Variants in SND1 observed in about 807,000 individuals in gnomAD.
The protein encoded by SND1 is staphylococcal nuclease domain-containing protein 1.
In SND1, 38 loss-of-function variants were observed where a neutral mutation model predicts 121.7. That is an observed-to-expected ratio of 0.31 (90% confidence interval 0.24 to 0.41). SND1 has a LOEUF of 0.41. SND1 is among the 10% of genes least tolerant of loss of function. The pLI is 1.00. For synonymous variants in SND1, 401 were observed against 447.4 expected (o/e 0.90, Z 1.31); for missense variants, 868 against 1,184.6 (o/e 0.73, Z 3.92).
intron 7 of SND1, among the ~76,000 whole-genome samples, 156 bp from the exon 8 acceptor site, chr7:127,704,683 T>G (rs1186545073): frequency 6.6e-6 from 1 of 152,140 alleles, no homozygotes; most frequent in Non-Finnish European, 1.5e-5. Context: ...TTAGGAGTGG[T>G]TTCGTAGTGA....
intron 13 of SND1, among the ~76,000 whole-genome samples, chr7:127,902,425 G>A (rs530245363): frequency 4.6e-5 from 7 of 152,306 alleles, no homozygotes; most frequent in East Asian, 1.9e-4. Flanking sequence ...TCAGTCTTAC[G>A]GCTGCTCCTT....
chr7:127,764,058 A>C (rs1434507806), intron 10 of SND1, among the ~76,000 whole-genome samples: 2 of 151,152 alleles, frequency 1.3e-5, no homozygotes, highest in Non-Finnish European at 3.0e-5. Flanking sequence ...AAAAACAAAA[A>C]AACAAAAAAA....
chr7:128,052,796 T>C lies in SND1; in HGVS notation c.1780-21706T>C, dbSNP rs1793068938. Among the ~76,000 whole-genome samples, 1 of 152,230 alleles carries C rather than the reference T, an allele frequency of 6.6e-6. No homozygotes were observed. The highest frequency in any genetic ancestry group is 1.5e-5 in the Non-Finnish European group (1 of 68,050). On this transcript the variant is annotated intron_variant, in intron 16 of 23. Transcript: ENST00000354725. This position sits in a 1 kb window ranked among gnomAD's most constrained non-coding sequence, Gnocchi z 4.6. Reference sequence around the variant, plus strand: ...GTGCCCTGAAAATCATTCCCTCGGATTTCAGTGTTACTTCGATGGGTCCCT... The same window carrying C: ...GTGCCCTGAAAATCATTCCCTCGGACTTCAGTGTTACTTCGATGGGTCCCT...
At chr7:127,837,536 G>A (rs188674668) in intron 11 of SND1, among the ~76,000 whole-genome samples, 60 of 152,330 alleles carry the variant, frequency 3.9e-4, no homozygotes, top group African/African-American at 8.4e-4. Context: ...AAGGAGGTAA[G>A]TTTAACATCC....
intron 10 of SND1, among the ~76,000 whole-genome samples, chr7:127,753,571 A>G (rs1237493624): frequency 6.6e-6 from 1 of 152,146 alleles, no homozygotes; most frequent in Admixed American, 6.5e-5. Flanking sequence ...ACTGAGACCG[A>G]AGTAAGCAAG....
chr7:127,653,706 G>A (rs1459865231), intron 1 of SND1, among the ~76,000 whole-genome samples: 1 of 152,158 alleles, frequency 6.6e-6, no homozygotes, highest in Non-Finnish European at 1.5e-5. Context: ...CAGCTTATGT[G>A]TGTGTAAAGC....
intron 16 of SND1, among the ~76,000 whole-genome samples, chr7:128,009,626 T>C (rs1803067520): frequency 6.6e-6 from 1 of 152,220 alleles, no homozygotes; most frequent in South Asian, 2.1e-4. Flanking sequence ...AATAGCCACA[T>C]GGGGCTAGTG....
At chr7:127,748,423 G>GTTCTTATGGT (rs1797019042) in intron 10 of SND1, among the ~76,000 whole-genome samples, 1 of 152,124 alleles carries the variant, frequency 6.6e-6, no homozygotes, top group African/African-American at 2.4e-5. Flanking sequence ...GTCTGAATTG[G>GTTCTTATGGT]TAGTCATGAA....
intron 15 of SND1, among the ~76,000 whole-genome samples, chr7:127,937,400 T>C (rs1302005059): frequency 6.6e-6 from 1 of 152,144 alleles, no homozygotes; most frequent in Non-Finnish European, 1.5e-5. Flanking sequence ...TCCTGCCCTT[T>C]AGCATTTTTC....
At chr7:127,846,228 A>G (rs1799059485) in intron 12 of SND1, among the ~76,000 whole-genome samples, 2 of 152,182 alleles carry the variant, frequency 1.3e-5, no homozygotes, top group Non-Finnish European at 2.9e-5. Context: ...CAGTTCTTGT[A>G]ATTGGATTGT....
Position 127,707,466 on chromosome 7 carries a change from G to GAGT in SND1, c.948-88_948-86dup, listed in dbSNP as rs1447243985. 6 of 920,796 alleles carry GAGT rather than the reference G, an allele frequency of 6.5e-6. No individual in the cohort carries two copies. In the East Asian group the frequency reaches 1.5e-4, roughly 22 times the overall value. 57.0% of individuals were successfully genotyped at this position (920,796 alleles called of 1,614,324 possible). A position where few individuals can be genotyped will look rare whatever the true frequency, so the allele number is the denominator to read the frequency against. Reference sequence around the variant, plus strand: ...TTCTTCTGGATACATCTATAGGGTAGAGTAGGATGCTGCACCAACTGTGCT... The same window carrying GAGT: ...TTCTTCTGGATACATCTATAGGGTAGAGTAGTAGGATGCTGCACCAACTGTGCT... On this transcript the variant is annotated intron_variant, in intron 8 of 23. Transcript: ENST00000354725.
intron 10 of SND1, among the ~76,000 whole-genome samples, chr7:127,758,947 G>A (rs931046143): frequency 2.6e-5 from 4 of 152,038 alleles, no homozygotes; most frequent in Admixed American, 2.6e-4. Flanking sequence ...CTGGCTCCTC[G>A]GGAGACAAAA....
At chr7:127,841,602 G>A (rs1293485599) in intron 11 of SND1, among the ~76,000 whole-genome samples, 1 of 152,148 alleles carries the variant, frequency 6.6e-6, no homozygotes, top group East Asian at 1.9e-4. Context: ...GAGAGTTCCA[G>A]GGTGTATTAG....
At chr7:128,082,777 C>T (rs1167111371) in intron 18 of SND1, among the ~76,000 whole-genome samples, 1 of 152,148 alleles carries the variant, frequency 6.6e-6, no homozygotes, top group African/African-American at 2.4e-5. Flanking sequence ...CCAAAATCCC[C>T]GCCAGCCCAC....
At chr7:127,891,100 G>A (rs567608585) in intron 13 of SND1, among the ~76,000 whole-genome samples, 2 of 152,090 alleles carry the variant, frequency 1.3e-5, no homozygotes, top group Admixed American at 1.3e-4. Flanking sequence ...CCATCTTCTC[G>A]ATGCTAACCC....
intron 9 of SND1, chr7:127,718,747 C>T: frequency 1.0e-6 from 1 of 985,312 alleles, no homozygotes; most frequent in African/African-American, 1.7e-5. Context: ...GTTCTGTAAT[C>T]AGCAGGTAAA....
chr7:127,931,044 A>G (rs1800947750), intron 15 of SND1, among the ~76,000 whole-genome samples: 1 of 152,148 alleles, frequency 6.6e-6, no homozygotes, highest in South Asian at 2.1e-4. Flanking sequence ...GTCGCCATGA[A>G]CCACAGTCAT....
chr7:127,715,762 G>A (rs1267255140), intron 9 of SND1, among the ~76,000 whole-genome samples: 4 of 151,984 alleles, frequency 2.6e-5, no homozygotes, highest in Non-Finnish European at 5.9e-5. Context: ...TGTTCCTTTG[G>A]TGTCATATTT....
intron 13 of SND1, among the ~76,000 whole-genome samples, chr7:127,895,752 C>G (rs2116747163): frequency 6.6e-6 from 1 of 152,188 alleles, no homozygotes; most frequent in East Asian, 1.9e-4. Flanking sequence ...ATCCAAATAG[C>G]AGTAATCAAT....
Sources: gnomAD v4.1 joint callset for allele counts (sites outside exome capture counted in the v4.1 genomes callset) on GRCh38, gnomAD v4.1.1 for gene constraint, Gnocchi (gnomAD v3.1) non-coding constraint, MANE v1.5 for transcripts, NCBI Gene and HGNC (gene_info 2026-07-23, HGNC 2026-07-21) for gene names.